Variants in EFR3A observed in about 807,000 individuals in gnomAD.
EFR3A encodes the protein EFR3 homolog A.
A neutral mutation model predicts 104.4 loss-of-function variants in EFR3A; 76 were observed. The ratio of observed to expected loss-of-function variants is 0.73; its 90% confidence interval spans 0.60 to 0.88. The LOEUF is 0.88. Ranked by LOEUF, EFR3A falls within the 40% of genes least tolerant of loss-of-function variation. The pLI is 0.00. For missense variants in EFR3A, 985 were observed against 1,012.5 expected (o/e 0.97, Z 0.37); for synonymous variants, 330 against 330.0 (o/e 1.00, Z 0.00).
intron 14 of EFR3A, 42 bp from the exon 15 acceptor site, chr8:131,984,097 T>C (rs1368030416): frequency 3.2e-6 from 5 of 1,545,932 alleles, no homozygotes. Flanking sequence ...CTTTTCTACA[T>C]TTTAAGCAAA....
At chr8:131,958,084 G>T (rs1281205020) in intron 7 of EFR3A, among the ~76,000 whole-genome samples, 3 of 152,142 alleles carry the variant, frequency 2.0e-5, no homozygotes, top group Non-Finnish European at 2.9e-5. Context: ...GCAGGTTACT[G>T]TAATAAAATT....
intron 4 of EFR3A, among the ~76,000 whole-genome samples, chr8:131,947,492 A>C (rs1336193965): frequency 6.8e-6 from 1 of 147,674 alleles, no homozygotes; most frequent in Non-Finnish European, 1.5e-5. Context: ...GTATGCTTTG[A>C]GTCACTAAAG....
At chr8:132,003,085 CA>C in intron 21 of EFR3A, 150 bp from the exon 22 acceptor site, 1 of 614,928 alleles carries the variant, frequency 1.6e-6, no homozygotes, top group Non-Finnish European at 2.7e-6. Flanking sequence ...ATAGATAAGA[CA>C]GATCAAACCA....
In EFR3A at chr8:131,955,856, G is replaced by A. The variant is rs1393249919; in HGVS notation, c.727G>A (p.Gly243Ser). 1 of 1,613,426 alleles carries A rather than the reference G, an allele frequency of 6.2e-7. No individual in the cohort carries two copies. Among genetic ancestry groups the A allele is most frequent in the Admixed American group, 1.7e-5 (1 of 59,956 alleles). ...TGAAAACTGTTTCAGAGAACTGCTGGGTCGAGCAACTTTTGGGAATATGAA... is the reference window on the plus strand; with the variant it reads ...TGAAAACTGTTTCAGAGAACTGCTGAGTCGAGCAACTTTTGGGAATATGAA... Reference protein sequence around the residue: ...LAENCFRELLGRATFGNMNNA... With the variant: ...LAENCFRELLSRATFGNMNNA... The change falls in exon 7 of 23, where the codon GGT becomes AGT. Residue 243 changes from glycine to serine, a missense_variant. Physicochemically the swap from Gly to Ser is moderately conservative, Grantham distance 56. Coordinates refer to ENST00000254624, the MANE Select transcript of EFR3A (RefSeq NM_015137.6).
At chr8:131,959,192 T>C (rs1819178667) in intron 7 of EFR3A, among the ~76,000 whole-genome samples, 1 of 152,212 alleles carries the variant, frequency 6.6e-6, no homozygotes, top group Admixed American at 6.5e-5. Context: ...GAAGTAGATC[T>C]GGCAATCTGT....
At chr8:132,008,604 C>T (rs779700690) in intron 22 of EFR3A, among the ~76,000 whole-genome samples, 8 of 151,686 alleles carry the variant, frequency 5.3e-5, no homozygotes, top group Non-Finnish European at 1.0e-4. Context: ...AGACCATTTA[C>T]GTGAAGTTTA....
chr8:131,975,223 A>G (rs1820262596), intron 10 of EFR3A, among the ~76,000 whole-genome samples: 1 of 152,174 alleles, frequency 6.6e-6, no homozygotes, highest in African/African-American at 2.4e-5. Context: ...TAAACTATAA[A>G]CTTGGCTTAT....
At position 131,978,847 on chromosome 8, in the gene EFR3A, G is replaced by T. The variant is rs779889018; in HGVS notation, c.1327G>T (p.Val443Leu). Residue 443 changes from valine to leucine, a missense_variant and splice_region_variant, in exon 13 of 23, where the codon GTG becomes TTG. Coordinates refer to ENST00000254624, the MANE Select transcript of EFR3A (RefSeq NM_015137.6). ...TGTTTGTTTTCTTCTCGATAATCAG[G>T]TGACCTCTGGATATAAAGCGAAGAC... Reference protein sequence around the residue: ...QIMLLRSLLMVTSGYKAKTIV... With the variant: ...QIMLLRSLLMLTSGYKAKTIV... 1 of 1,553,250 alleles carries T rather than the reference G, an allele frequency of 6.4e-7. No individual in the cohort carries two copies. The highest frequency in any genetic ancestry group is 2.3e-5 in the East Asian group (1 of 43,114).
intron 18 of EFR3A, among the ~76,000 whole-genome samples, chr8:131,992,486 G>A (rs186926219): frequency 1.4e-4 from 21 of 152,256 alleles, no homozygotes; most frequent in African/African-American, 5.1e-4. Flanking sequence ...TGAATTTTGT[G>A]TATGGATATA....
chr8:131,911,645 G>A (rs1451123805), intron 1 of EFR3A, among the ~76,000 whole-genome samples: 1 of 152,148 alleles, frequency 6.6e-6, no homozygotes, highest in East Asian at 1.9e-4. Context: ...ACGTATATAT[G>A]CACAAGAGCC....
chr8:131,980,719 GACT>G (rs909446642), intron 14 of EFR3A, among the ~76,000 whole-genome samples: 1 of 151,656 alleles, frequency 6.6e-6, no homozygotes, highest in Admixed American at 6.6e-5. Flanking sequence ...CACTATTATT[GACT>G]ATAGTCACCC....
intron 10 of EFR3A, among the ~76,000 whole-genome samples, chr8:131,975,739 TC>T (rs1464707902): frequency 6.6e-6 from 1 of 152,046 alleles, no homozygotes; most frequent in Non-Finnish European, 1.5e-5. Context: ...TTTCTAAAAC[TC>T]CAGTCAACTC....
At chr8:131,909,453 G>A (rs1816408132) in intron 1 of EFR3A, among the ~76,000 whole-genome samples, 1 of 152,100 alleles carries the variant, frequency 6.6e-6, no homozygotes, top group Non-Finnish European at 1.5e-5. Context: ...GGCTGAGGCA[G>A]GAGGATTGTT....
chr8:131,974,890 T>C lies in EFR3A; in HGVS notation c.1160-1137T>C, dbSNP rs184652838. 6.8e-3 allele frequency among the ~76,000 whole-genome samples: 1,043 copies of C among 152,310 alleles called. 4 individuals carry two copies. Among genetic ancestry groups the C allele is most frequent in the Middle Eastern group, 0.017 (5 of 294 alleles). ...CAGTAATAGAAGCTCAACAGTTACATTGAAAAGTCAGCTTATTCTTAAAAA... is the reference window on the plus strand; with the variant it reads ...CAGTAATAGAAGCTCAACAGTTACACTGAAAAGTCAGCTTATTCTTAAAAA... On this transcript the variant is annotated intron_variant, in intron 10 of 22. Coordinates refer to ENST00000254624, the MANE Select transcript of EFR3A (RefSeq NM_015137.6).
At chr8:131,995,104 A>T (rs532052630) in intron 18 of EFR3A, among the ~76,000 whole-genome samples, 1 of 152,132 alleles carries the variant, frequency 6.6e-6, no homozygotes, top group South Asian at 2.1e-4. Flanking sequence ...AAGAGGAAAA[A>T]CTATTATCTT....
intron 1 of EFR3A, among the ~76,000 whole-genome samples, chr8:131,930,604 T>C (rs1817547233): frequency 6.6e-6 from 1 of 152,116 alleles, no homozygotes. Context: ...TTAGTCATGA[T>C]TTATTTCTGA....
rs569445764 is a variant in EFR3A at position 131,959,075 on chromosome 8, A to C, written c.777-510A>C. Among the ~76,000 whole-genome samples the C allele has an allele frequency of 5.4e-4, 83 of 152,314 alleles. 1 individual carries two copies. The South Asian group carries it at 0.017, about 31-fold the overall frequency. On this transcript the variant is annotated intron_variant, in intron 7 of 22. Transcript: ENST00000254624. The stretch of plus-strand genomic sequence containing the variant: ...GTCTAGATTAACCATTAAGGTTGAT[A>C]ATATATGCCTAGCATAAAGTATATT...
At chr8:131,991,139 G>A (rs191231833) in intron 18 of EFR3A, among the ~76,000 whole-genome samples, 22 of 152,198 alleles carry the variant, frequency 1.4e-4, no homozygotes, top group Admixed American at 2.6e-4. Context: ...TTCTTACATG[G>A]CAGTGGCAAG....
intron 1 of EFR3A, among the ~76,000 whole-genome samples, chr8:131,911,811 T>C (rs1220635118): frequency 6.6e-6 from 1 of 152,196 alleles, no homozygotes; most frequent in Non-Finnish European, 1.5e-5. Flanking sequence ...TCTAGATTTT[T>C]CTTGGATTAT....
Sources: allele counts gnomAD v4.1 joint callset (sites outside exome capture counted in the v4.1 genomes callset), GRCh38; gene constraint gnomAD v4.1.1; transcripts MANE v1.5; gene names NCBI Gene and HGNC (gene_info 2026-07-23, HGNC 2026-07-21).